Variants in ZDHHC13 observed in about 807,000 individuals in gnomAD.
ZDHHC13 encodes the protein zDHHC palmitoyltransferase 13.
ZDHHC13 carries 85 observed loss-of-function variants against 86.0 expected under a neutral mutation model. The ratio of observed to expected loss-of-function variants is 0.99; its 90% CI spans 0.83 to 1.18. The LOEUF (loss-of-function observed/expected upper bound fraction) is 1.18, where lower values mean the gene tolerates loss of function less well. ZDHHC13 is among the 50% of genes most tolerant of loss of function. The probability of loss-of-function intolerance (pLI) is 0.00; values close to 1 mark genes in which losing one functional copy is unlikely to be tolerated. For missense variants in ZDHHC13, 711 were observed against 730.2 expected (o/e 0.97, Z 0.30); for synonymous variants, 263 against 246.4 (o/e 1.07, Z -0.63).
At chr11:19,166,427 C>A in intron 14 of ZDHHC13, 42 bp downstream of exon 14, 1 of 1,477,574 alleles carries the variant, frequency 6.8e-7, no homozygotes, top group Non-Finnish European at 9.3e-7. Flanking sequence ...TACATCTACA[C>A]CCATTTCTAC....
chr11:19,149,079 AT>A, intron 4 of ZDHHC13, 107 bp from the exon 5 acceptor site: 1 of 1,055,054 alleles, frequency 9.5e-7, no homozygotes, highest in Non-Finnish European at 1.2e-6. Flanking sequence ...GTTAGGAAAT[AT>A]TTTTTATATG....
Position 19,137,369 on chromosome 11 carries a change from G to A in ZDHHC13, c.28-5609G>A, listed in dbSNP as rs1351263008. On this transcript the variant is annotated intron_variant, in intron 1 of 16. Transcript: ENST00000446113. ...ATCAATTCAACAAGAAGAGCTAACT[G>A]TCCTAAACATATATGCACCCAATAC... 3.5e-3 allele frequency among the ~76,000 whole-genome samples: 537 copies of A among 151,354 alleles called. 5 individuals are homozygous for A. Among genetic ancestry groups the A allele is most frequent in the African/African-American group, 0.012 (502 of 40,676 alleles).
chr11:19,169,887 T>C, intron 14 of ZDHHC13: 10 of 985,694 alleles, frequency 1.0e-5, no homozygotes, highest in Non-Finnish European at 1.1e-5. Flanking sequence ...CCTCTGCAGA[T>C]TTAGTTATGG....
intron 1 of ZDHHC13, among the ~76,000 whole-genome samples, chr11:19,129,354 GTAC>G (rs1848941735): frequency 6.6e-6 from 1 of 152,134 alleles, no homozygotes; most frequent in Non-Finnish European, 1.5e-5. Context: ...AAATGGTCTT[GTAC>G]CATTCAGTGT....
chr11:19,168,972 A>G, intron 14 of ZDHHC13: 5 of 985,404 alleles, frequency 5.1e-6, no homozygotes, highest in Non-Finnish European at 6.0e-6. Context: ...GAATGATGTG[A>G]GTTCCCTACC....
chr11:19,168,404 C>T, intron 14 of ZDHHC13: 1 of 152,162 alleles, frequency 6.6e-6, no homozygotes, highest in South Asian at 2.1e-4. Context: ...AAGTGATTTT[C>T]CATCACATTC....
At chr11:19,123,439 C>T (rs1325763446) in intron 1 of ZDHHC13, among the ~76,000 whole-genome samples, 1 of 151,664 alleles carries the variant, frequency 6.6e-6, no homozygotes, top group Non-Finnish European at 1.5e-5. Flanking sequence ...CCAGTCTGGG[C>T]AACATAACGA....
At chr11:19,171,389 A>G (rs922062897) in intron 15 of ZDHHC13, among the ~76,000 whole-genome samples, 3 of 152,206 alleles carry the variant, frequency 2.0e-5, no homozygotes, top group African/African-American at 7.2e-5. Flanking sequence ...AAAGCAAAGT[A>G]TATTCCACTT....
chr11:19,169,644 A>T, intron 14 of ZDHHC13: 10 of 985,474 alleles, frequency 1.0e-5, no homozygotes, highest in Non-Finnish European at 1.2e-5. Flanking sequence ...TGTAAAAGTC[A>T]TTGGATTTAC....
chr11:19,124,760 T>TC (rs1554960884), intron 1 of ZDHHC13, among the ~76,000 whole-genome samples: 2 of 151,546 alleles, frequency 1.3e-5, no homozygotes, highest in South Asian at 2.1e-4. Context: ...TCTGCGTGTG[T>TC]GTGGGGGGGT....
intron 14 of ZDHHC13, chr11:19,169,185 AATAG>A: frequency 1.0e-6 from 1 of 985,422 alleles, no homozygotes; most frequent in Non-Finnish European, 1.2e-6. Flanking sequence ...ACTGAAAGAA[AATAG>A]ATATTCTTTC....
intron 1 of ZDHHC13, among the ~76,000 whole-genome samples, chr11:19,139,629 A>G (rs1244137210): frequency 6.6e-6 from 1 of 151,600 alleles, no homozygotes; most frequent in Non-Finnish European, 1.5e-5. Flanking sequence ...CCAAAAGAAC[A>G]AAGCTGGAGG....
intron 1 of ZDHHC13, among the ~76,000 whole-genome samples, chr11:19,142,578 T>C (rs1364747470): frequency 6.6e-6 from 1 of 152,208 alleles, no homozygotes; most frequent in Non-Finnish European, 1.5e-5. Flanking sequence ...TCAGTAGCAA[T>C]GGTCCTCTGC....
In ZDHHC13 at chr11:19,147,609, A is replaced by G; in HGVS notation, c.310A>G (p.Lys104Glu). The G allele has an allele frequency of 6.3e-7, 1 of 1,598,396 alleles. No homozygotes were observed. The highest frequency in any genetic ancestry group is 8.5e-7 in the Non-Finnish European group (1 of 1,171,562). The stretch of plus-strand genomic sequence containing the variant: ...TGCTTTTAACAGGTTTTATATTTCA[A>G]AAGGTGCTGTTGTAGATCAGTTGGG... Reference protein sequence around the residue: ...RLDLVKFYISKGAVVDQLGGD... With the variant: ...RLDLVKFYISEGAVVDQLGGD... The change falls in exon 4 of 17, where the codon AAA becomes GAA. Residue 104 changes from lysine to glutamate, a missense_variant. Lys to Glu is a moderately conservative substitution (Grantham distance 56, BLOSUM62 1). Coordinates refer to ENST00000446113, the MANE Select transcript of ZDHHC13 (RefSeq NM_019028.3).
chr11:19,135,401 G>A (rs546763333), intron 1 of ZDHHC13, among the ~76,000 whole-genome samples: 13 of 152,216 alleles, frequency 8.5e-5, no homozygotes, highest in Non-Finnish European at 1.8e-4. Context: ...ATTATATCCC[G>A]CACCTGGCTC....
At chr11:19,128,488 G>A (rs1359288260) in intron 1 of ZDHHC13, among the ~76,000 whole-genome samples, 8 of 152,126 alleles carry the variant, frequency 5.3e-5, no homozygotes, top group Admixed American at 5.2e-4. Flanking sequence ...ATACTGTGTT[G>A]AATAGAAGTG....
At chr11:19,134,649 T>C (rs1849082492) in intron 1 of ZDHHC13, among the ~76,000 whole-genome samples, 1 of 151,224 alleles carries the variant, frequency 6.6e-6, no homozygotes, top group Non-Finnish European at 1.5e-5. Flanking sequence ...TAAGTGGGAG[T>C]TGAACAGTGA....
At chr11:19,158,879 A>G (rs1849830345) in intron 9 of ZDHHC13, 61 bp from the exon 10 acceptor site, 2 of 1,148,518 alleles carry the variant, frequency 1.7e-6, no homozygotes, top group Non-Finnish European at 1.2e-6. Flanking sequence ...ATTTAGGGAA[A>G]TTTAGAACTA....
At chr11:19,158,899 C>T (rs1342364896) in intron 9 of ZDHHC13, 41 bp from the exon 10 acceptor site, 1 of 1,288,066 alleles carries the variant, frequency 7.8e-7, no homozygotes, top group East Asian at 2.6e-5. Context: ...AAAATTAATA[C>T]AAGTCATACT....
Sources: gnomAD v4.1 joint callset for allele counts (sites outside exome capture counted in the v4.1 genomes callset) on GRCh38, gnomAD v4.1.1 for gene constraint, MANE v1.5 for transcripts, NCBI Gene and HGNC (gene_info 2026-07-23, HGNC 2026-07-21) for gene names.